The following RAB22A variants were observed in gnomAD, a reference collection of about 807,000 sequenced individuals.
RAB22A encodes RAB22A, member RAS oncogene family.
Under a neutral mutation model 30.2 loss-of-function variants are expected in RAB22A, and 13 were observed. The observed-to-expected ratio is 0.43, with a 90% CI of 0.28 to 0.68. The LOEUF (loss-of-function observed/expected upper bound fraction) is 0.68. Among genes scored for constraint, RAB22A ranks in the 30% least tolerant of loss-of-function variants. The pLI, the probability that RAB22A is intolerant of heterozygous loss-of-function variation, is 0.18. For synonymous variants in RAB22A, 89 were observed against 87.2 expected (o/e 1.02, Z -0.11); for missense variants, 177 against 246.8 (o/e 0.72, Z 1.89).
intron 2 of RAB22A, among the ~76,000 whole-genome samples, chr20:58,335,310 A>G (rs6015255): frequency 0.054 from 8,192 of 152,284 alleles, 267 homozygotes; most frequent in Middle Eastern, 0.099. Flanking sequence ...TCTTTGTCGT[A>G]CAGATAAACT....
At chr20:58,348,941 T>G (rs1187420175) in intron 3 of RAB22A, among the ~76,000 whole-genome samples, 3 of 152,194 alleles carry the variant, frequency 2.0e-5, no homozygotes, top group Non-Finnish European at 4.4e-5. Flanking sequence ...AATAGTAGAG[T>G]TGAGTAGTTG....
intron 6 of RAB22A, among the ~76,000 whole-genome samples, chr20:58,356,281 A>T (rs1261793186): frequency 6.6e-6 from 1 of 151,528 alleles, no homozygotes; most frequent in Non-Finnish European, 1.5e-5. Flanking sequence ...ATTGCACTCC[A>T]GCCTGGGCAA....
At chr20:58,346,847 T>C (rs1426822073) in intron 3 of RAB22A, among the ~76,000 whole-genome samples, 1 of 152,230 alleles carries the variant, frequency 6.6e-6, no homozygotes, top group Non-Finnish European at 1.5e-5. Flanking sequence ...CTGAAGTCTT[T>C]GATTGCTGTC....
At chr20:58,327,274 C>T (rs1050177510) in intron 2 of RAB22A, among the ~76,000 whole-genome samples, 5 of 152,190 alleles carry the variant, frequency 3.3e-5, no homozygotes, top group African/African-American at 9.7e-5. Context: ...TATTTACCTG[C>T]CTGAAACAAC....
intron 3 of RAB22A, among the ~76,000 whole-genome samples, chr20:58,351,743 G>A (rs1273285810): frequency 6.6e-6 from 1 of 152,220 alleles, no homozygotes; most frequent in African/African-American, 2.4e-5. Context: ...AACCCGGGAG[G>A]CGGAGGCTGC....
intron 2 of RAB22A, among the ~76,000 whole-genome samples, chr20:58,341,130 A>T (rs924918416): frequency 6.6e-6 from 1 of 152,184 alleles, no homozygotes; most frequent in Non-Finnish European, 1.5e-5. Context: ...TCTAGTTGAA[A>T]GTGTTGACTG....
chr20:58,356,546 G>A (rs190840823), intron 6 of RAB22A, among the ~76,000 whole-genome samples: 1 of 152,302 alleles, frequency 6.6e-6, no homozygotes, highest in Admixed American at 6.5e-5. Flanking sequence ...ATACAGAAAT[G>A]TGCACGTATC....
intron 6 of RAB22A, among the ~76,000 whole-genome samples, chr20:58,359,316 A>G (rs1987184486): frequency 6.6e-6 from 1 of 152,118 alleles, no homozygotes; most frequent in Non-Finnish European, 1.5e-5. Flanking sequence ...AACTGATGCT[A>G]TCTGAAAAAA....
chr20:58,331,354 A>T (rs1402790933), intron 2 of RAB22A, among the ~76,000 whole-genome samples: 9 of 152,002 alleles, frequency 5.9e-5, no homozygotes, highest in Non-Finnish European at 8.8e-5. Flanking sequence ...TTGTTTATTT[A>T]TTGTCAGTTC....
chr20:58,315,897 C>G (rs1016638955), intron 2 of RAB22A, among the ~76,000 whole-genome samples: 16 of 152,130 alleles, frequency 1.1e-4, no homozygotes, highest in Admixed American at 6.5e-4. Context: ...TCATTAAAGA[C>G]AAGTTTGATC....
intron 6 of RAB22A, among the ~76,000 whole-genome samples, chr20:58,357,325 T>C (rs947585975): frequency 6.6e-6 from 1 of 152,242 alleles, no homozygotes; most frequent in Non-Finnish European, 1.5e-5. Flanking sequence ...CCTGCCTCCT[T>C]CTTAATGTTT....
Position 58,310,009 on chromosome 20 carries a change from C to T in RAB22A, c.33C>T (p.Leu11=), listed in dbSNP as rs1348641010. Residue 11 remains leucine (L), a synonymous_variant, in exon 1 of 7, where the codon CTC becomes CTT. Coordinates refer to ENST00000244040, the MANE Select transcript of RAB22A (RefSeq NM_020673.3). The part of the protein sequence containing the change: MALRELKVCL[L]GDTGVGKSSI... ...TGAGGGAGCTCAAAGTGTGTCTGCTCGGGGTGAGTGGCGGCGGGTCCGGCC... is the reference window on the plus strand; with the variant it reads ...TGAGGGAGCTCAAAGTGTGTCTGCTTGGGGTGAGTGGCGGCGGGTCCGGCC... 2.3e-6 allele frequency: 3 copies of T among 1,283,218 alleles called. No homozygotes were observed. The highest frequency in any genetic ancestry group is 3.9e-5 in the Admixed American group (1 of 25,514). 79.5% of individuals were successfully genotyped at this position (1,283,218 alleles called of 1,614,324 possible).
At chr20:58,330,445 A>C (rs1440413736) in intron 2 of RAB22A, among the ~76,000 whole-genome samples, 2 of 148,610 alleles carry the variant, frequency 1.3e-5, no homozygotes, top group African/African-American at 5.0e-5. Flanking sequence ...TGTTACATCT[A>C]CTTTTTTTTT....
At chr20:58,351,157 C>G (rs189294314) in intron 3 of RAB22A, among the ~76,000 whole-genome samples, 29 of 151,930 alleles carry the variant, frequency 1.9e-4, no homozygotes, top group Admixed American at 1.8e-3. Flanking sequence ...TCCAACATGG[C>G]AAAACCCCAT....
chr20:58,310,326 C>G (rs1011919928), intron 1 of RAB22A, among the ~76,000 whole-genome samples: 2 of 152,056 alleles, frequency 1.3e-5, no homozygotes, highest in Admixed American at 1.3e-4. Context: ...ATAGTTTTCT[C>G]CCAACTTACC....
At chr20:58,322,208 C>T (rs1470177191) in intron 2 of RAB22A, among the ~76,000 whole-genome samples, 2 of 152,200 alleles carry the variant, frequency 1.3e-5, no homozygotes, top group African/African-American at 4.8e-5. Flanking sequence ...TTAATTTAAG[C>T]TCTTTGGCAT....
chr20:58,342,308 G>A (rs950119328), intron 2 of RAB22A, among the ~76,000 whole-genome samples: 2 of 152,182 alleles, frequency 1.3e-5, no homozygotes, highest in African/African-American at 2.4e-5. Context: ...GTACCTATCA[G>A]TAAATATGAT....
At chr20:58,340,085 T>C (rs117029556) in intron 2 of RAB22A, among the ~76,000 whole-genome samples, 3,387 of 152,204 alleles carry the variant, frequency 0.022, 50 homozygotes, top group African/African-American at 0.035. Flanking sequence ...AGAAATGCAT[T>C]GTGGGGTTGA....
chr20:58,323,539 G>A (rs1449478500), intron 2 of RAB22A, among the ~76,000 whole-genome samples: 8 of 151,470 alleles, frequency 5.3e-5, no homozygotes, highest in Admixed American at 3.3e-4. Context: ...AATCTTAGGG[G>A]GTAGCTTCTA....
Sources: gnomAD v4.1 joint callset for allele counts (sites outside exome capture counted in the v4.1 genomes callset) on GRCh38, gnomAD v4.1.1 for gene constraint, MANE v1.5 for transcripts, NCBI Gene and HGNC (gene_info 2026-07-23, HGNC 2026-07-21) for gene names.